RING1: variants seen among roughly 807,000 people sequenced by gnomAD.
RING1 encodes the protein E3 ubiquitin-protein ligase RING1.
In RING1, 8 loss-of-function variants were observed where a neutral mutation model predicts 35.0. The observed-to-expected ratio is 0.23, with a 90% CI of 0.13 to 0.41. The LOEUF is 0.41. Among genes scored for constraint, RING1 ranks in the 10% least tolerant of loss-of-function variants. The pLI is 1.00. For missense variants in RING1, 343 were observed against 546.8 expected, an observed-to-expected ratio of 0.63 and a Z score of 3.72; for synonymous variants, 214 against 224.3, an observed-to-expected ratio of 0.95 and a Z score of 0.41.
Position 33,211,421 on chromosome 6 carries a change from G to A in RING1, c.719G>A (p.Gly240Glu). The A allele has an allele frequency of 1.3e-6, 2 of 1,570,202 alleles. No individual in the cohort carries two copies. The highest frequency in any genetic ancestry group is 1.7e-6 in the Non-Finnish European group (2 of 1,158,288). ...EDSGDRGGTLGGGTLGPPSPP... is the reference protein window; with the variant it reads ...EDSGDRGGTLEGGTLGPPSPP... ...TCTGGTGACCGGGGAGGGACTCTGG[G>A]AGGGGGAACGCTGGGCCCCCCAAGC... is the stretch of plus-strand genomic sequence containing the variant. Residue 240 changes from glycine (G) to glutamate (E), a missense_variant, in exon 5 of 7, where the codon GGA becomes GAA. Coordinates refer to ENST00000374656, the MANE Select transcript of RING1 (RefSeq NM_002931.4). This position sits in a 1 kb window ranked among gnomAD's most constrained non-coding sequence, Gnocchi z 6.3.
chr6:33,210,172 C>T (rs778030870), intron 4 of RING1, 42 bp downstream of exon 4: 10 of 1,573,476 alleles, frequency 6.4e-6, no homozygotes, highest in East Asian at 4.5e-5. Flanking sequence ...GGGATGGGTC[C>T]GTGGGTCAGT....
rs1454748171 is a variant in RING1 at position 33,209,256 on chromosome 6, G to GT, written c.78+358dup. On this transcript the variant is annotated intron_variant, in intron 2 of 6. Transcript: ENST00000374656. This position sits in a 1 kb window ranked among gnomAD's most constrained non-coding sequence, Gnocchi z 5.1. ...ACATTCTGATTCAGTAGTGAATTGG[G>GT]TTCTCAGAATCTGAATTTTTAACAG... The GT allele has an allele frequency of 1.8e-6, 1 of 564,534 alleles. No individual in the cohort carries two copies. The highest frequency in any genetic ancestry group is 3.2e-6 in the Non-Finnish European group (1 of 313,400). The allele number at this position is 564,534 out of a possible 1,614,324, so 35.0% of individuals were successfully genotyped here. A position where few individuals can be genotyped will look rare whatever the true frequency, so the allele number is the denominator to read the frequency against.
At position 33,210,042 on chromosome 6, in the gene RING1, C is replaced by A; in HGVS notation, c.367C>A (p.Arg123=). 6.2e-7 allele frequency: 1 copy of A among 1,614,180 alleles called. No homozygotes were observed. Among genetic ancestry groups the A allele is most frequent in the Non-Finnish European group, 8.5e-7 (1 of 1,180,036 alleles). The change falls in exon 4 of 7, where the codon CGA becomes AGA. Residue 123 remains arginine (R), a synonymous_variant. Coordinates refer to ENST00000374656, the MANE Select transcript of RING1 (RefSeq NM_002931.4). ...SREEYEAHQD[R]VLIRLSRLHN... is the part of the protein sequence containing the mutation. The stretch of plus-strand genomic sequence containing the variant: ...GGAGGAATACGAGGCCCATCAAGAC[C>A]GAGTGCTTATCCGCCTGAGCCGCCT...
chr6:33,212,167 C>T (rs1163333732), intron 6 of RING1, 131 bp from the exon 7 acceptor site: 5 of 880,990 alleles, frequency 5.7e-6, no homozygotes, highest in Admixed American at 2.4e-5. Flanking sequence ...CCTTTTTTGC[C>T]TTATCGCTTT....
rs896105650 is a variant in RING1 at position 33,211,021 on chromosome 6, C to T, written c.456-137C>T. ...GGATTGGTGCAAAACACTTAGTATACTGAGTGCTTAGCACATTGTGTTTAA... is the reference window on the plus strand; with the variant it reads ...GGATTGGTGCAAAACACTTAGTATATTGAGTGCTTAGCACATTGTGTTTAA... On this transcript the variant is annotated intron_variant, in intron 4 of 6. Transcript: ENST00000374656. This position sits in a 1 kb window ranked among gnomAD's most constrained non-coding sequence, Gnocchi z 6.3. The T allele has an allele frequency of 6.2e-6, 6 of 963,508 alleles. No individual in the cohort carries two copies. Among genetic ancestry groups the T allele is most frequent in the Non-Finnish European group, 9.1e-6 (6 of 658,670 alleles). 59.7% of individuals were successfully genotyped at this position (963,508 alleles called of 1,614,324 possible). A position where few individuals can be genotyped will look rare whatever the true frequency, so the allele number is the denominator to read the frequency against.
chr6:33,211,203 A>C lies in RING1; in HGVS notation c.501A>C (p.Thr167=). The stretch of plus-strand genomic sequence containing the variant: ...CGATACCAGGGTCAGATCAGACCAC[A>C]ACGATGAGTGGGGGGGAAGGAGAGC... ...RRPIPGSDQT[T]TMSGGEGEPG... is the part of the protein sequence containing the mutation. The change falls in exon 5 of 7, where the codon ACA becomes ACC. Residue 167 remains threonine, a synonymous_variant. Coordinates refer to ENST00000374656, the MANE Select transcript of RING1 (RefSeq NM_002931.4). This position sits in a 1 kb window ranked among gnomAD's most constrained non-coding sequence, Gnocchi z 6.3. 1 of 1,612,772 alleles carries C rather than the reference A, an allele frequency of 6.2e-7. No individual in the cohort carries two copies. The highest frequency in any genetic ancestry group is 8.5e-7 in the Non-Finnish European group (1 of 1,179,896).
Position 33,208,543 on chromosome 6 carries a change from G to A in RING1, c.-160G>A, listed in dbSNP as rs561648204. 4 of 425,966 alleles carry A rather than the reference G, an allele frequency of 9.4e-6. No homozygotes were observed. Among genetic ancestry groups the A allele is most frequent in the Non-Finnish European group, 4.1e-6 (1 of 243,596 alleles). 26.4% of individuals were successfully genotyped at this position (425,966 alleles called of 1,614,324 possible). A position where few individuals can be genotyped will look rare whatever the true frequency, so the allele number is the denominator to read the frequency against. ...GGCCATGGCGGCGGCGGTGGCGGGA[G>A]CTGCTGTCTGAGCAGCGGTTGCGGA... On this transcript the variant is annotated 5_prime_UTR_variant, in exon 1 of 7. Transcript: ENST00000374656. This position sits in a 1 kb window ranked among gnomAD's most constrained non-coding sequence, Gnocchi z 6.2.
chr6:33,209,095 G>A lies in RING1; in HGVS notation c.78+195G>A, dbSNP rs1217248130. On this transcript the variant is annotated intron_variant, in intron 2 of 6. Transcript: ENST00000374656. The surrounding 1 kb of genome is among the most constrained non-coding windows in gnomAD (Gnocchi z 5.1). Reference sequence around the variant, plus strand: ...TCAAAACAGCCCTGCCAGAGAGGTGGAACAAGTATTATTATCTTCATTTGA... The same window carrying A: ...TCAAAACAGCCCTGCCAGAGAGGTGAAACAAGTATTATTATCTTCATTTGA... 1.4e-6 allele frequency: 1 copy of A among 704,850 alleles called. No individual in the cohort carries two copies. The highest frequency in any genetic ancestry group is 2.6e-6 in the Non-Finnish European group (1 of 385,670). 43.7% of individuals were successfully genotyped at this position (704,850 alleles called of 1,614,324 possible).
At position 33,209,526 on chromosome 6, in the gene RING1, T is replaced by G. The variant is rs917769532; in HGVS notation, c.79-100T>G. ...TCTCCTATAGAGACCAACATGGGTC[T>G]TCTCACTGTATTTCTCAAAATTCTT... On this transcript the variant is annotated intron_variant, in intron 2 of 6. Transcript: ENST00000374656. The surrounding 1 kb of genome is among the most constrained non-coding windows in gnomAD (Gnocchi z 5.1). 5.9e-6 allele frequency: 7 copies of G among 1,195,138 alleles called. No individual in the cohort carries two copies. In the South Asian group the frequency reaches 9.8e-5, roughly 17 times the overall value. 74.0% of individuals were successfully genotyped at this position (1,195,138 alleles called of 1,614,324 possible).
Position 33,211,272 on chromosome 6 carries a change from C to G in RING1, c.570C>G (p.Ser190=). 6.2e-7 allele frequency: 1 copy of G among 1,612,756 alleles called. No homozygotes were observed. The highest frequency in any genetic ancestry group is 1.1e-5 in the South Asian group (1 of 91,068). The part of the protein sequence containing the change: ...EGDGEDVSSD[S]APDSAPGPAP... ...ATGGAGAAGATGTGAGCTCAGACTC[C>G]GCCCCTGACTCTGCCCCAGGCCCTG... The change falls in exon 5 of 7, where the codon TCC becomes TCG. Residue 190 remains serine (S), a synonymous_variant. Transcript: ENST00000374656. This position sits in a 1 kb window ranked among gnomAD's most constrained non-coding sequence, Gnocchi z 6.3.
Position 33,211,646 on chromosome 6 carries a change from C to A in RING1, c.846-83C>A. ...CCCAAACCCAAAATACCACCCCAAC[C>A]CAGAATCCATTTTGGAAAGCCCCTA... On this transcript the variant is annotated intron_variant, in intron 5 of 6. Coordinates refer to ENST00000374656, the MANE Select transcript of RING1 (RefSeq NM_002931.4). This position sits in a 1 kb window ranked among gnomAD's most constrained non-coding sequence, Gnocchi z 6.3. The A allele has an allele frequency of 3.2e-6, 5 of 1,543,162 alleles. No homozygotes were observed. The highest frequency in any genetic ancestry group is 4.4e-6 in the Non-Finnish European group (5 of 1,148,838).
At chr6:33,212,148 C>T (rs1775590987) in intron 6 of RING1, 146 bp downstream of exon 6, 1 of 858,128 alleles carries the variant, frequency 1.2e-6, no homozygotes, top group Non-Finnish European at 1.8e-6. Context: ...CCTTTCCCAT[C>T]ATCCATGTCC....
intron 4 of RING1, among the ~76,000 whole-genome samples, chr6:33,210,871 C>CT (rs1775475550): frequency 6.6e-6 from 1 of 152,136 alleles, no homozygotes; most frequent in Non-Finnish European, 1.5e-5. Flanking sequence ...TGCTACCGCA[C>CT]TTTGAGAGGT....
At position 33,212,604 on chromosome 6, in the gene RING1, G is replaced by A; in HGVS notation, c.*205G>A. 1 of 491,190 alleles carries A rather than the reference G, an allele frequency of 2.0e-6. No homozygotes were observed. The highest frequency in any genetic ancestry group is 3.5e-5 in the Admixed American group (1 of 28,170). 30.4% of individuals were successfully genotyped at this position (491,190 alleles called of 1,614,324 possible). A position where few individuals can be genotyped will look rare whatever the true frequency, so the allele number is the denominator to read the frequency against. On this transcript the variant is annotated 3_prime_UTR_variant, in exon 7 of 7. Coordinates refer to ENST00000374656, the MANE Select transcript of RING1 (RefSeq NM_002931.4). Reference sequence around the variant, plus strand: ...GGGGCAAAACACGCCCCCATCTGCTGCCTTTTCTATTGCCCTGCAACGTCC... The same window carrying A: ...GGGGCAAAACACGCCCCCATCTGCTACCTTTTCTATTGCCCTGCAACGTCC...
In RING1 at chr6:33,208,596, G is replaced by T. The variant is rs1463746090; in HGVS notation, c.-107G>T. On this transcript the variant is annotated 5_prime_UTR_variant, in exon 1 of 7. Coordinates refer to ENST00000374656, the MANE Select transcript of RING1 (RefSeq NM_002931.4). The surrounding 1 kb of genome is among the most constrained non-coding windows in gnomAD (Gnocchi z 6.2). The stretch of plus-strand genomic sequence containing the variant: ...GAGCGAACTTGGCCCAGGAGCCCGG[G>T]CCTAGGGAGAGGCGCGGCGGCGGCG... The T allele has an allele frequency of 1.7e-5, 9 of 530,742 alleles. No individual in the cohort carries two copies. The highest frequency in any genetic ancestry group is 2.9e-5 in the Non-Finnish European group (9 of 305,228). The allele number at this position is 530,742 out of a possible 1,614,324, so 32.9% of individuals were successfully genotyped here. A position where few individuals can be genotyped will look rare whatever the true frequency, so the allele number is the denominator to read the frequency against.
rs763276911 is a variant in RING1, at chr6:33,208,925, C to G, written c.78+25C>G. 1 of 1,580,182 alleles carries G rather than the reference C, an allele frequency of 6.3e-7. No homozygotes were observed. Among genetic ancestry groups the G allele is most frequent in the Non-Finnish European group, 8.7e-7 (1 of 1,153,716 alleles). On this transcript the variant is annotated intron_variant, in intron 2 of 6. Transcript: ENST00000374656. The surrounding 1 kb of genome is among the most constrained non-coding windows in gnomAD (Gnocchi z 6.2). ...GGTGACAGGCATTCTCCCTTTCAGG[C>G]TTACCCCCTCCCCCAAACCCTTATA...
In RING1 at chr6:33,209,467, A is replaced by G; in HGVS notation, c.79-159A>G. On this transcript the variant is annotated intron_variant, in intron 2 of 6. Transcript: ENST00000374656. This position sits in a 1 kb window ranked among gnomAD's most constrained non-coding sequence, Gnocchi z 5.1. ...AGTCTGTCTTTTCTCCATTTGCTCCAAGTCATCAGTCCTTCTCTTTCTCAG... is the reference window on the plus strand; with the variant it reads ...AGTCTGTCTTTTCTCCATTTGCTCCGAGTCATCAGTCCTTCTCTTTCTCAG... 1.5e-6 allele frequency: 1 copy of G among 675,652 alleles called. No individual in the cohort carries two copies. Among genetic ancestry groups the G allele is most frequent in the Non-Finnish European group, 2.5e-6 (1 of 401,428 alleles). The allele number at this position is 675,652 out of a possible 1,614,324, so 41.9% of individuals were successfully genotyped here. A position where few individuals can be genotyped will look rare whatever the true frequency, so the allele number is the denominator to read the frequency against.
In RING1 at chr6:33,208,505, G is replaced by A; in HGVS notation, c.-198G>A. On this transcript the variant is annotated 5_prime_UTR_variant, in exon 1 of 7. Coordinates refer to ENST00000374656, the MANE Select transcript of RING1 (RefSeq NM_002931.4). This position sits in a 1 kb window ranked among gnomAD's most constrained non-coding sequence, Gnocchi z 6.2. ...GAGGAGCAGGCGGAAGTGACGTAGG[G>A]CCCCAGCGCCCGGGCCATGGCGGCG... 2.4e-6 allele frequency: 1 copy of A among 422,082 alleles called. No homozygotes were observed. Among genetic ancestry groups the A allele is most frequent in the Non-Finnish European group, 4.1e-6 (1 of 241,472 alleles). 26.1% of individuals were successfully genotyped at this position (422,082 alleles called of 1,614,324 possible).
At position 33,212,430 on chromosome 6, in the gene RING1, C is replaced by G. The variant is rs920388339; in HGVS notation, c.*31C>G. ...CCAGGGGACAGCCAGAGGAAGGGGA[C>G]CATGGGGTATCCCTGTGTCCTGGTC... On this transcript the variant is annotated 3_prime_UTR_variant, in exon 7 of 7. Coordinates refer to ENST00000374656, the MANE Select transcript of RING1 (RefSeq NM_002931.4). The G allele has an allele frequency of 5.7e-6, 8 of 1,413,058 alleles. No homozygotes were observed. The South Asian group carries it at 9.8e-5, about 17-fold the overall frequency. 87.5% of individuals were successfully genotyped at this position (1,413,058 alleles called of 1,614,324 possible). A position where few individuals can be genotyped will look rare whatever the true frequency, so the allele number is the denominator to read the frequency against.
Sources: gnomAD v4.1 joint callset for allele counts (sites outside exome capture counted in the v4.1 genomes callset) on GRCh38, gnomAD v4.1.1 for gene constraint, Gnocchi (gnomAD v3.1) non-coding constraint, MANE v1.5 for transcripts, NCBI Gene and HGNC (gene_info 2026-07-23, HGNC 2026-07-21) for gene names.